Variants in EDNRB observed in about 807,000 individuals in gnomAD.
EDNRB encodes endothelin receptor type B.
In EDNRB, 18 loss-of-function variants were observed where a neutral mutation model predicts 46.4. The ratio of observed to expected loss-of-function variants is 0.39; its 90% CI spans 0.27 to 0.57. The LOEUF (loss-of-function observed/expected upper bound fraction) is 0.57. Among genes scored for constraint, EDNRB ranks in the 20% least tolerant of loss-of-function variants. The pLI is 0.61. For synonymous variants in EDNRB, 213 were observed against 204.9 expected (o/e 1.04, Z -0.34); for missense variants, 434 against 537.5 (o/e 0.81, Z 1.90).
chr13:77,927,439 C>A (rs1413746404), intron 1 of EDNRB, among the ~76,000 whole-genome samples: 1 of 152,190 alleles, frequency 6.6e-6, no homozygotes, highest in African/African-American at 2.4e-5. Context: ...GGAACTAGAA[C>A]AAAGTTGGGT....
At chr13:77,919,450 G>T (rs1168178157), upstream of EDNRB, 9 of 1,612,486 alleles carry the variant, frequency 5.6e-6, no homozygotes, top group Non-Finnish European at 5.9e-6. Context: ...CACCTTCCCG[G>T]GAGGCGGAAC....
chr13:77,909,815 A>G (rs1457695957), intron 1 of EDNRB, among the ~76,000 whole-genome samples: 2 of 151,990 alleles, frequency 1.3e-5, no homozygotes, highest in Non-Finnish European at 2.9e-5. Flanking sequence ...CATACTCTAC[A>G]TATATTCTTT....
chr13:77,923,656 C>A (rs531544679), upstream of EDNRB, among the ~76,000 whole-genome samples: 39 of 152,086 alleles, frequency 2.6e-4, no homozygotes, highest in South Asian at 8.1e-3. Context: ...TTCCTTGTTT[C>A]CATTCTTTTG....
intron 1 of EDNRB, among the ~76,000 whole-genome samples, chr13:77,936,483 C>T (rs1323675166): frequency 1.3e-5 from 2 of 152,088 alleles, no homozygotes; most frequent in Non-Finnish European, 2.9e-5. Flanking sequence ...GGGTAGCCTC[C>T]ATATTAATTA....
At chr13:77,973,397 T>C (rs1407396416) in intron 1 of EDNRB, among the ~76,000 whole-genome samples, 1 of 152,190 alleles carries the variant, frequency 6.6e-6, no homozygotes, top group Non-Finnish European at 1.5e-5. Flanking sequence ...TTTTATAGAC[T>C]CTTTTTAACA....
intron 5 of EDNRB, 42 bp downstream of exon 5, chr13:77,900,479 T>G (rs200428001): frequency 2.1e-4 from 345 of 1,610,498 alleles, no homozygotes; most frequent in Non-Finnish European, 2.8e-4. Flanking sequence ...CACTTCTGAG[T>G]GGCATTTATT....
In EDNRB at chr13:77,953,337, A is replaced by C. The variant is rs12720134; in HGVS notation, c.-52+22010T>G. Among the ~76,000 whole-genome samples the C allele has an allele frequency of 5.2e-3, 790 of 151,866 alleles. 7 individuals are homozygous for C. The highest frequency in any genetic ancestry group is 0.018 in the African/African-American group (747 of 41,486). On this transcript the variant is annotated intron_variant, in intron 1 of 7. Coordinates refer to the EDNRB transcript ENST00000646948. ...TGGAAGATATATATTACATATGTAT[A>C]CTGTATTTGTATTTTTAAAGATTAA...
At chr13:77,899,611 G>T in intron 6 of EDNRB, 2 of 416,412 alleles carry the variant, frequency 4.8e-6, no homozygotes, top group East Asian at 4.8e-5. Flanking sequence ...ATTACTTTTT[G>T]GTCAACAATT....
chr13:77,907,908 A>C (rs1333030450), intron 1 of EDNRB, among the ~76,000 whole-genome samples: 1 of 151,780 alleles, frequency 6.6e-6, no homozygotes, highest in Non-Finnish European at 1.5e-5. Context: ...AGGGAAACAC[A>C]AACTGAAAAT....
chr13:77,931,744 C>CAAAAAAAAAAAAAAAAAAAAAAAAA (rs67176737), intron 1 of EDNRB, among the ~76,000 whole-genome samples: 33 of 83,422 alleles, frequency 4.0e-4, no homozygotes, highest in East Asian at 1.7e-3. Context: ...ACTGTAGTAG[C>CAAAAAAAAAAAAAAAAAAAAAAAAA]AAAAAAAAAA....
rs1354645639 is a variant in EDNRB, at chr13:77,903,352, G to A, written c.605C>T (p.Ala202Val). 2 of 1,612,712 alleles carry A rather than the reference G, an allele frequency of 1.2e-6. No homozygotes were observed. Among genetic ancestry groups the A allele is most frequent in the African/African-American group, 2.7e-5 (2 of 74,756 alleles). ...LCALSIDRYR[A>V]VASWSRIKGI... ...TTTAATTCTACTCCAAGAAGCAACA[G>A]CTCGATATCTGAAGATAAAAATAGA... Residue 202 changes from alanine (A) to valine (V), a missense_variant, in exon 3 of 7, where the codon GCT (alanine) becomes GTT (valine). By Grantham distance (64) the Ala-to-Val change is moderately conservative. Coordinates refer to ENST00000646607, the MANE Select transcript of EDNRB (RefSeq NM_001122659.3).
intron 1 of EDNRB, among the ~76,000 whole-genome samples, chr13:77,948,442 T>C (rs1411850025): frequency 6.6e-6 from 1 of 152,218 alleles, no homozygotes; most frequent in Non-Finnish European, 1.5e-5. Context: ...GGTACTACAT[T>C]TGATACCATA....
chr13:77,933,343 G>A (rs1388801764), intron 1 of EDNRB, among the ~76,000 whole-genome samples: 1 of 152,146 alleles, frequency 6.6e-6, no homozygotes, highest in African/African-American at 2.4e-5. Flanking sequence ...GACAGGGGTG[G>A]GGCCGTTTTA....
chr13:77,900,483 A>C, intron 5 of EDNRB, 38 bp downstream of exon 5: 1 of 1,611,168 alleles, frequency 6.2e-7, no homozygotes, highest in East Asian at 2.2e-5. Flanking sequence ...TCTGAGTGGC[A>C]TTTATTTACA....
intron 1 of EDNRB, among the ~76,000 whole-genome samples, chr13:77,970,865 G>A (rs1032347781): frequency 2.0e-5 from 3 of 152,104 alleles, no homozygotes; most frequent in Non-Finnish European, 2.9e-5. Context: ...TGTATACACT[G>A]GGAACAGCCC....
intron 1 of EDNRB, among the ~76,000 whole-genome samples, chr13:77,959,468 G>T (rs1281136847): frequency 2.0e-5 from 3 of 152,212 alleles, no homozygotes; most frequent in African/African-American, 4.8e-5. Context: ...CAACAGACCT[G>T]CAGCTGAGGG....
intron 1 of EDNRB, among the ~76,000 whole-genome samples, chr13:77,954,058 T>C (rs1278476372): frequency 6.6e-6 from 1 of 152,218 alleles, no homozygotes; most frequent in East Asian, 1.9e-4. Context: ...TATATCCTTA[T>C]CTACTTCCCC....
intron 1 of EDNRB, among the ~76,000 whole-genome samples, chr13:77,904,381 T>C (rs1879167315): frequency 6.6e-6 from 1 of 151,980 alleles, no homozygotes; most frequent in African/African-American, 2.4e-5. Flanking sequence ...GCATAACACA[T>C]TAACTTATTT....
chr13:77,945,889 A>AC (rs1233311987), intron 1 of EDNRB, among the ~76,000 whole-genome samples: 4 of 151,636 alleles, frequency 2.6e-5, no homozygotes, highest in Non-Finnish European at 5.9e-5. Context: ...AAAAAAAAAA[A>AC]AAAACAAAAA....
Sources: gnomAD v4.1 joint callset for allele counts (sites outside exome capture counted in the v4.1 genomes callset) on GRCh38, gnomAD v4.1.1 for gene constraint, MANE v1.5 for transcripts, NCBI Gene and HGNC (gene_info 2026-07-23, HGNC 2026-07-21) for gene names.